The following SCN8A variants were observed in gnomAD, a reference collection of about 807,000 sequenced individuals.
SCN8A encodes the protein sodium voltage-gated channel alpha subunit 8.
In SCN8A, 30 loss-of-function variants were observed where a neutral mutation model predicts 184.1. The observed-to-expected ratio is 0.16, with a 90% CI of 0.12 to 0.22. The LOEUF is 0.22. Ranked by LOEUF, SCN8A falls within the 10% of genes least tolerant of loss-of-function variation. SCN8A has a pLI of 1.00. For missense variants in SCN8A, 1,057 were observed against 2,498.9 expected (o/e 0.42, Z 12.30); for synonymous variants, 852 against 907.0 (o/e 0.94, Z 1.09).
At chr12:51,731,175 T>C (rs1010563615) in intron 12 of SCN8A, among the ~76,000 whole-genome samples, 14 of 152,198 alleles carry the variant, frequency 9.2e-5, no homozygotes, top group Non-Finnish European at 1.6e-4. Context: ...GCAACAAACT[T>C]GGGAGTGCAC....
intron 25 of SCN8A, 119 bp from the exon 26 acceptor site, chr12:51,794,252 T>G (rs1938347440): frequency 1.1e-6 from 1 of 904,804 alleles, no homozygotes; most frequent in Admixed American, 2.3e-5. Flanking sequence ...GCAGCAGAGC[T>G]GACCAGTATT....
At chr12:51,713,414 C>T (rs1941914148) in intron 11 of SCN8A, 2 of 848,388 alleles carry the variant, frequency 2.4e-6, no homozygotes, top group Non-Finnish European at 4.1e-6. Context: ...CTCATTACCA[C>T]ACAATCTGTG....
chr12:51,629,206 A>G (rs1940143734), intron 1 of SCN8A, among the ~76,000 whole-genome samples: 2 of 152,182 alleles, frequency 1.3e-5, no homozygotes, highest in South Asian at 2.1e-4. Context: ...TGTCATAGCT[A>G]TTGATATGGC....
intron 1 of SCN8A, among the ~76,000 whole-genome samples, chr12:51,592,045 TCCCACC>T (rs1329199311): frequency 4.9e-4 from 19 of 39,142 alleles, no homozygotes; most frequent in African/African-American, 1.7e-3. Flanking sequence ...CCTTCCCCCA[TCCCACC>T]CCCACCCCCA....
Position 51,712,702 on chromosome 12 carries a change from A to G in SCN8A, c.1635+5987A>G, listed in dbSNP as rs1385992543. 7 of 931,160 alleles carry G rather than the reference A, an allele frequency of 7.5e-6. No homozygotes were observed. In the African/African-American group the frequency reaches 1.1e-4, roughly 15 times the overall value. The allele number at this position is 931,160 out of a possible 1,614,324, so 57.7% of individuals were successfully genotyped here. A position where few individuals can be genotyped will look rare whatever the true frequency, so the allele number is the denominator to read the frequency against. ...CTCCACCACCGCTACCATATCCACCACACCACCTTGGTTTCCATATCCTGG... is the reference window on the plus strand; with the variant it reads ...CTCCACCACCGCTACCATATCCACCGCACCACCTTGGTTTCCATATCCTGG... On this transcript the variant is annotated intron_variant, in intron 11 of 26. Transcript: ENST00000627620.
intron 1 of SCN8A, among the ~76,000 whole-genome samples, chr12:51,638,442 G>A (rs891723954): frequency 2.0e-4 from 30 of 152,008 alleles, no homozygotes; most frequent in Non-Finnish European, 3.8e-4. Context: ...ATCTGTGAGA[G>A]GAGGTCAAAA....
At chr12:51,656,196 T>G (rs183544295) in intron 1 of SCN8A, among the ~76,000 whole-genome samples, 1 of 152,194 alleles carries the variant, frequency 6.6e-6, no homozygotes, top group African/African-American at 2.4e-5. Flanking sequence ...TTTTTAGGAG[T>G]CAGTGAAAGT....
At chr12:51,699,048 C>G (rs1479235937) in intron 6 of SCN8A, among the ~76,000 whole-genome samples, 1 of 152,206 alleles carries the variant, frequency 6.6e-6, no homozygotes, top group East Asian at 1.9e-4. Context: ...ATAACCATGA[C>G]AAATGCTACA....
chr12:51,657,036 A>G (rs1042615457), intron 1 of SCN8A, among the ~76,000 whole-genome samples: 3 of 152,138 alleles, frequency 2.0e-5, no homozygotes, highest in African/African-American at 7.2e-5. Flanking sequence ...GAAAATAGGT[A>G]CTAAAATAAG....
intron 1 of SCN8A, among the ~76,000 whole-genome samples, chr12:51,599,170 G>A (rs1272537878): frequency 2.0e-5 from 3 of 152,138 alleles, no homozygotes; most frequent in African/African-American, 7.2e-5. Flanking sequence ...TATTTAGCGA[G>A]TAGCAACTAT....
intron 26 of SCN8A, among the ~76,000 whole-genome samples, chr12:51,798,565 G>GCT (rs1938473149): frequency 6.6e-6 from 1 of 152,206 alleles, no homozygotes; most frequent in Non-Finnish European, 1.5e-5. Context: ...CCACAACCAG[G>GCT]TCAGCCTTGA....
At chr12:51,773,697 A>C (rs1194985935) in intron 19 of SCN8A, among the ~76,000 whole-genome samples, 1 of 152,232 alleles carries the variant, frequency 6.6e-6, no homozygotes, top group African/African-American at 2.4e-5. Context: ...AAAAACCCAT[A>C]CACAGATGTT....
At chr12:51,666,460 T>A (rs1384596102) in intron 2 of SCN8A, among the ~76,000 whole-genome samples, 5 of 152,222 alleles carry the variant, frequency 3.3e-5, no homozygotes, top group Admixed American at 6.5e-5. Flanking sequence ...AGATCTCTTC[T>A]ACAAGGAAGC....
At position 51,810,123 on chromosome 12, in the gene SCN8A, T is replaced by G; in HGVS notation, c.*2694T>G. The G allele has an allele frequency of 5.4e-6, 1 of 184,548 alleles. No individual in the cohort carries two copies. The highest frequency in any genetic ancestry group is 1.2e-5 in the Non-Finnish European group (1 of 86,134). The allele number at this position is 184,548 out of a possible 1,614,324, so 11.4% of individuals were successfully genotyped here. A position where few individuals can be genotyped will look rare whatever the true frequency, so the allele number is the denominator to read the frequency against. ...GAGATTTTTCTGAGATCTAACCGTT[T>G]CCCTCCGCTAGCTCCTGACCCCAGC... On this transcript the variant is annotated 3_prime_UTR_variant, in exon 27 of 27. Transcript: ENST00000627620.
intron 26 of SCN8A, among the ~76,000 whole-genome samples, chr12:51,805,599 A>G (rs1315253049): frequency 1.3e-5 from 2 of 152,020 alleles, no homozygotes; most frequent in Admixed American, 6.5e-5. Flanking sequence ...GAGGAAGAAA[A>G]ATTGGTAAAA....
intron 1 of SCN8A, among the ~76,000 whole-genome samples, chr12:51,620,700 G>GA (rs926840485): frequency 1.3e-5 from 2 of 151,008 alleles, no homozygotes; most frequent in African/African-American, 4.9e-5. Flanking sequence ...AAAAAAAAAA[G>GA]AAAAAAACTA....
At chr12:51,741,653 C>G (rs1165638659) in intron 12 of SCN8A, among the ~76,000 whole-genome samples, 3 of 152,068 alleles carry the variant, frequency 2.0e-5, no homozygotes, top group African/African-American at 7.2e-5. Context: ...CAATTCGAGG[C>G]TACCATGAGG....
At chr12:51,614,522 T>A (rs1376613765) in intron 1 of SCN8A, among the ~76,000 whole-genome samples, 1 of 152,136 alleles carries the variant, frequency 6.6e-6, no homozygotes, top group Non-Finnish European at 1.5e-5. Context: ...AGAGAGTTCT[T>A]GTATTTTCTT....
At chr12:51,595,926 C>T (rs1010858271) in intron 1 of SCN8A, among the ~76,000 whole-genome samples, 3 of 152,206 alleles carry the variant, frequency 2.0e-5, no homozygotes, top group Non-Finnish European at 4.4e-5. Context: ...GCTCTGCTGG[C>T]TTCCACCAAC....
Sources: allele counts gnomAD v4.1 joint callset (sites outside exome capture counted in the v4.1 genomes callset), GRCh38; gene constraint gnomAD v4.1.1; transcripts MANE v1.5; gene names NCBI Gene and HGNC (gene_info 2026-07-23, HGNC 2026-07-21).